Variants in CAMTA1 observed in about 807,000 individuals in gnomAD.
The protein encoded by CAMTA1 is calmodulin binding transcription activator 1, also known as calmodulin-binding transcription activator 1.
In CAMTA1, 27 loss-of-function variants were observed where a neutral mutation model predicts 170.9. The observed-to-expected ratio is 0.16, with a 90% CI of 0.12 to 0.22. The LOEUF (loss-of-function observed/expected upper bound fraction) is 0.22. Among genes scored for constraint, CAMTA1 ranks in the 10% least tolerant of loss-of-function variants. The pLI is 1.00. For missense variants in CAMTA1, 1,619 were observed against 2,217.2 expected (o/e 0.73, Z 5.42); for synonymous variants, 833 against 891.5 (o/e 0.93, Z 1.17).
At chr1:7,517,977 A>G (rs1415081587) in intron 6 of CAMTA1, among the ~76,000 whole-genome samples, 1 of 151,962 alleles carries the variant, frequency 6.6e-6, no homozygotes, top group Non-Finnish European at 1.5e-5. Context: ...TGACTGAACC[A>G]TCAGAAACTC....
rs1295225460 is a variant in CAMTA1 at position 7,050,974 on chromosome 1, C to T, written c.235-40330C>T. ...CCCAGGCACAGGGAGAATGACTGTG[C>T]TGCCTCTTTCCGGGGTGTAATTTGA... On this transcript the variant is annotated intron_variant, in intron 3 of 22. Coordinates refer to ENST00000303635, the MANE Select transcript of CAMTA1 (RefSeq NM_015215.4). The surrounding 1 kb of genome is among the most constrained non-coding windows in gnomAD (Gnocchi z 4.8). Among the ~76,000 whole-genome samples, 1 of 152,206 alleles carries T rather than the reference C, an allele frequency of 6.6e-6. No individual in the cohort carries two copies. The highest frequency in any genetic ancestry group is 2.4e-5 in the African/African-American group (1 of 41,444).
At position 7,731,453 on chromosome 1, in the gene CAMTA1, T is replaced by TC. The variant is rs1482700634; in HGVS notation, c.2915-992dup. 2.0e-5 allele frequency among the ~76,000 whole-genome samples: 3 copies of TC among 151,682 alleles called. No homozygotes were observed. In the East Asian group the frequency reaches 5.8e-4, roughly 29 times the overall value. The stretch of plus-strand genomic sequence containing the variant: ...GAGGTGTGGTTGCAGGCATCTGTAG[T>TC]CCCAGCTACTTGGGAGGCTGAGGCA... On this transcript the variant is annotated intron_variant, in intron 11 of 22. Transcript: ENST00000303635.
chr1:7,616,050 C>T (rs954770210), intron 6 of CAMTA1, among the ~76,000 whole-genome samples: 1 of 152,192 alleles, frequency 6.6e-6, no homozygotes, highest in Non-Finnish European at 1.5e-5. Flanking sequence ...TTCCCATTTA[C>T]CACCCTTTTA....
intron 11 of CAMTA1, among the ~76,000 whole-genome samples, chr1:7,716,965 T>C (rs1433200142): frequency 6.6e-6 from 1 of 152,154 alleles, no homozygotes; most frequent in East Asian, 1.9e-4. Flanking sequence ...ATCCTGCCAT[T>C]GCCAACATCA....
intron 3 of CAMTA1, among the ~76,000 whole-genome samples, chr1:6,879,613 C>CTTTTTTTTT (rs58610375): frequency 3.0e-5 from 4 of 132,846 alleles, no homozygotes; most frequent in Non-Finnish European, 6.4e-5. Flanking sequence ...TTCCTTTTTT[C>CTTTTTTTTT]TTTTTTTTTT....
At chr1:7,327,406 CA>C (rs34737058) in intron 5 of CAMTA1, among the ~76,000 whole-genome samples, 35,952 of 87,450 alleles carry the variant, frequency 0.41, 3,430 homozygotes, top group Middle Eastern at 0.56. Flanking sequence ...GACTCCATCT[CA>C]AAAAAAAAAA....
intron 5 of CAMTA1, among the ~76,000 whole-genome samples, chr1:7,400,679 G>T (rs1230212529): frequency 6.6e-6 from 1 of 152,114 alleles, no homozygotes; most frequent in African/African-American, 2.4e-5. Flanking sequence ...GTATACGTTG[G>T]GTAGGGTGCA....
intron 4 of CAMTA1, among the ~76,000 whole-genome samples, chr1:7,107,786 G>T (rs1303058577): frequency 6.6e-6 from 1 of 152,166 alleles, no homozygotes; most frequent in African/African-American, 2.4e-5. Context: ...GCACTGCGAG[G>T]CTAGAGGGCC....
chr1:7,016,401 A>ATGCTCTG (rs1452275677), intron 3 of CAMTA1, among the ~76,000 whole-genome samples: 2 of 152,236 alleles, frequency 1.3e-5, no homozygotes, highest in Non-Finnish European at 2.9e-5. Context: ...TGCTCTGCAA[A>ATGCTCTG]CAGTAGGTGC....
intron 6 of CAMTA1, among the ~76,000 whole-genome samples, chr1:7,475,118 TTTTC>T (rs1227155010): frequency 6.6e-6 from 1 of 152,256 alleles, no homozygotes; most frequent in East Asian, 1.9e-4. Flanking sequence ...CTTTCTTTCT[TTTTC>T]TTTCTTCTTT....
At chr1:6,871,375 A>C (rs2148989897) in intron 3 of CAMTA1, among the ~76,000 whole-genome samples, 1 of 152,334 alleles carries the variant, frequency 6.6e-6, no homozygotes, top group South Asian at 2.1e-4. Flanking sequence ...CAAATGAAAC[A>C]AATTTGCAAA....
chr1:7,544,299 G>A (rs2094657591), intron 6 of CAMTA1, among the ~76,000 whole-genome samples: 1 of 152,268 alleles, frequency 6.6e-6, no homozygotes, highest in East Asian at 1.9e-4. Flanking sequence ...GAACAGTATG[G>A]GGGCAACCGC....
chr1:7,414,074 T>C (rs905986069), intron 5 of CAMTA1, among the ~76,000 whole-genome samples: 2 of 152,270 alleles, frequency 1.3e-5, no homozygotes, highest in Non-Finnish European at 2.9e-5. Flanking sequence ...GATTTGGGTA[T>C]GTTGAACCAG....
chr1:6,905,415 G>A (rs1678212399), intron 3 of CAMTA1, among the ~76,000 whole-genome samples: 1 of 152,008 alleles, frequency 6.6e-6, no homozygotes, highest in African/African-American at 2.4e-5. Context: ...GGCTGGTGTT[G>A]AACTCCTGAC....
intron 5 of CAMTA1, among the ~76,000 whole-genome samples, chr1:7,324,116 C>G (rs1678908843): frequency 6.6e-6 from 1 of 152,100 alleles, no homozygotes. Flanking sequence ...TGTATCTGCC[C>G]ATTTCTTCTT....
chr1:7,016,102 C>A (rs990569608), intron 3 of CAMTA1, among the ~76,000 whole-genome samples: 1 of 151,688 alleles, frequency 6.6e-6, no homozygotes, highest in African/African-American at 2.4e-5. Context: ...TGCAGCCACA[C>A]CCTGCCCCAT....
intron 5 of CAMTA1, among the ~76,000 whole-genome samples, chr1:7,395,700 C>T (rs186068552): frequency 4.7e-4 from 71 of 152,228 alleles, no homozygotes; most frequent in African/African-American, 1.6e-3. Flanking sequence ...TCTTCCAATC[C>T]ATGAATATGG....
At chr1:7,735,195 TCTC>T (rs1436837232) in intron 12 of CAMTA1, among the ~76,000 whole-genome samples, 1 of 152,102 alleles carries the variant, frequency 6.6e-6, no homozygotes, top group East Asian at 1.9e-4. Context: ...GTGATCTAAT[TCTC>T]CTTCAGAAGA....
chr1:7,196,672 TGCTAAGGGTTGTTGA>T lies in CAMTA1; in HGVS notation c.303-52816_303-52802del, dbSNP rs150118336. On this transcript the variant is annotated intron_variant, in intron 4 of 22. Coordinates refer to ENST00000303635, the MANE Select transcript of CAMTA1 (RefSeq NM_015215.4). ...AGAAATAAATGAGGGCAAAAGAAAT[TGCTAAGGGTTGTTGA>T]GCAATAAAGAGATGGGTTCTAGATA... Among the ~76,000 whole-genome samples, 518 of 152,336 alleles carry T rather than the reference TGCTAAGGGTTGTTGA, an allele frequency of 3.4e-3. 3 individuals are homozygous for T. The highest frequency in any genetic ancestry group is 0.012 in the African/African-American group (484 of 41,572).
Sources: allele counts gnomAD v4.1 joint callset (sites outside exome capture counted in the v4.1 genomes callset), GRCh38; gene constraint gnomAD v4.1.1; non-coding constraint Gnocchi (gnomAD v3.1); transcripts MANE v1.5; gene names NCBI Gene and HGNC (gene_info 2026-07-23, HGNC 2026-07-21).